The following FAM169A variants were observed in gnomAD, a reference collection of about 807,000 sequenced individuals.
FAM169A encodes family with sequence similarity 169 member A, also known as soluble lamin-associated protein of 75 kDa.
FAM169A carries 24 observed loss-of-function variants against 75.7 expected under a neutral mutation model. The ratio of observed to expected loss-of-function variants is 0.32; its 90% CI spans 0.23 to 0.45. The LOEUF is 0.45. Among genes scored for constraint, FAM169A ranks in the 20% least tolerant of loss-of-function variants. The pLI is 1.00. For missense variants in FAM169A, 673 were observed against 784.0 expected (o/e 0.86, Z 1.69); for synonymous variants, 271 against 271.0 (o/e 1.00, Z 0.00).
intron 1 of FAM169A, among the ~76,000 whole-genome samples, chr5:74,854,579 C>T (rs2112724302): frequency 6.6e-6 from 1 of 152,254 alleles, no homozygotes. Context: ...TTTGTACCCA[C>T]TGACCAGACT....
intron 11 of FAM169A, among the ~76,000 whole-genome samples, chr5:74,790,994 C>T (rs1489208725): frequency 1.3e-5 from 2 of 152,184 alleles, no homozygotes; most frequent in Non-Finnish European, 2.9e-5. Context: ...CCCGTGGACT[C>T]GCGGAAGGCC....
chr5:74,846,066 T>C (rs1678744421), intron 1 of FAM169A, among the ~76,000 whole-genome samples: 1 of 152,230 alleles, frequency 6.6e-6, no homozygotes, highest in African/African-American at 2.4e-5. Flanking sequence ...ATAACTGTTT[T>C]TCTTCTCTTA....
At chr5:74,831,696 T>C (rs1748318438) in intron 5 of FAM169A, among the ~76,000 whole-genome samples, 1 of 152,292 alleles carries the variant, frequency 6.6e-6, no homozygotes, top group African/African-American at 2.4e-5. Flanking sequence ...ATTAGAGATA[T>C]TCAATCTGTG....
chr5:74,798,137 T>C (rs915425630), intron 10 of FAM169A, among the ~76,000 whole-genome samples: 49 of 152,340 alleles, frequency 3.2e-4, no homozygotes, highest in African/African-American at 1.1e-3. Flanking sequence ...TCCAACACTC[T>C]TTCCTCTGTA....
chr5:74,812,124 ATTTCT>A (rs948751460), intron 6 of FAM169A, among the ~76,000 whole-genome samples: 10 of 152,012 alleles, frequency 6.6e-5, no homozygotes, highest in African/African-American at 2.4e-4. Flanking sequence ...TCTTATTTTT[ATTTCT>A]TTTTATTTTT....
chr5:74,865,846 C>G (rs1168743737), intron 1 of FAM169A: 1 of 152,388 alleles, frequency 6.6e-6, no homozygotes, highest in African/African-American at 2.4e-5. Context: ...GCCGCAGCTG[C>G]GAACCGGCCC....
In FAM169A at chr5:74,779,856, T is replaced by C. The variant is rs1745324614; in HGVS notation, c.*1604A>G. The C allele has an allele frequency of 6.6e-6, 1 of 152,210 alleles. No homozygotes were observed. Among genetic ancestry groups the C allele is most frequent in the Non-Finnish European group, 1.5e-5 (1 of 68,022 alleles). The allele number at this position is 152,210 out of a possible 1,614,324, so 9.4% of individuals were successfully genotyped here. A position where few individuals can be genotyped will look rare whatever the true frequency, so the allele number is the denominator to read the frequency against. On this transcript the variant is annotated 3_prime_UTR_variant, in exon 13 of 13. Coordinates refer to ENST00000687041, the MANE Select transcript of FAM169A (RefSeq NM_001376049.1). ...CCAAACAAAATTTACTGACCTGACA[T>C]CAGCTTACTATAGACTGAATACACT...
At chr5:74,865,797 G>A (rs1404868568) in intron 1 of FAM169A, 1 of 152,372 alleles carries the variant, frequency 6.6e-6, no homozygotes, top group Admixed American at 6.5e-5. Context: ...CGCACGCCAA[G>A]CATCCAGGTG....
At chr5:74,816,606 G>C (rs995083106) in intron 5 of FAM169A, among the ~76,000 whole-genome samples, 1 of 152,082 alleles carries the variant, frequency 6.6e-6, no homozygotes, top group Non-Finnish European at 1.5e-5. Flanking sequence ...TCCAGGGTCT[G>C]ACTCATACAA....
Position 74,866,173 on chromosome 5 carries a change from C to G in FAM169A, c.-12G>C, listed in dbSNP as rs1279796715. ...AGAGGGAGCGCACTCACCTCAGACG[C>G]GCCCCGGGAGCCGCTGGAAGAGCCC... On this transcript the variant is annotated 5_prime_UTR_variant, in exon 1 of 13. Transcript: ENST00000687041. 2 of 983,906 alleles carry G rather than the reference C, an allele frequency of 2.0e-6. No individual in the cohort carries two copies. Among genetic ancestry groups the G allele is most frequent in the East Asian group, 2.3e-4 (2 of 8,786 alleles). The allele number at this position is 983,906 out of a possible 1,614,324, so 60.9% of individuals were successfully genotyped here.
rs1336359393 is a variant in FAM169A at position 74,779,822 on chromosome 5, C to G, written c.*1638G>C. Reference sequence around the variant, plus strand: ...TAAGATTTTAACTTGATCGAAAATACCAACATCCCCAAACAAAATTTACTG... The same window carrying G: ...TAAGATTTTAACTTGATCGAAAATAGCAACATCCCCAAACAAAATTTACTG... On this transcript the variant is annotated 3_prime_UTR_variant, in exon 13 of 13. Transcript: ENST00000687041. The G allele has an allele frequency of 6.6e-6, 1 of 152,112 alleles. No individual in the cohort carries two copies. The highest frequency in any genetic ancestry group is 1.5e-5 in the Non-Finnish European group (1 of 68,020). The allele number at this position is 152,112 out of a possible 1,614,324, so 9.4% of individuals were successfully genotyped here. A position where few individuals can be genotyped will look rare whatever the true frequency, so the allele number is the denominator to read the frequency against.
intron 10 of FAM169A, among the ~76,000 whole-genome samples, chr5:74,797,167 A>G (rs1263642934): frequency 2.0e-5 from 3 of 151,958 alleles, no homozygotes; most frequent in African/African-American, 7.3e-5. Context: ...AAAGCCTAAC[A>G]TATTTGTTTG....
At chr5:74,817,395 C>T (rs6874094) in intron 5 of FAM169A, among the ~76,000 whole-genome samples, 43,452 of 151,836 alleles carry the variant, frequency 0.29, 7,461 homozygotes, top group African/African-American at 0.48. Context: ...TGTATTTCCA[C>T]ACATTAGCAA....
intron 4 of FAM169A, among the ~76,000 whole-genome samples, chr5:74,837,807 T>C (rs1748645418): frequency 6.6e-6 from 1 of 152,088 alleles, no homozygotes; most frequent in Non-Finnish European, 1.5e-5. Context: ...AAGACACATA[T>C]ATATTTCTGT....
At chr5:74,791,063 G>A (rs564250550) in intron 11 of FAM169A, among the ~76,000 whole-genome samples, 10 of 152,216 alleles carry the variant, frequency 6.6e-5, no homozygotes, top group South Asian at 4.2e-4. Context: ...CTCACTTTAC[G>A]GCAAAAGCAG....
At chr5:74,864,474 C>T (rs1051344001) in intron 1 of FAM169A, among the ~76,000 whole-genome samples, 1 of 152,208 alleles carries the variant, frequency 6.6e-6, no homozygotes, top group Non-Finnish European at 1.5e-5. Context: ...GTGATCCACC[C>T]GCTCTGGCCT....
chr5:74,847,836 ACT>A (rs2112699509), intron 1 of FAM169A, among the ~76,000 whole-genome samples: 1 of 152,300 alleles, frequency 6.6e-6, no homozygotes, highest in South Asian at 2.1e-4. Flanking sequence ...TATTTTTATT[ACT>A]GTCAAAGATT....
chr5:74,810,506 T>C (rs1401855937), intron 6 of FAM169A, among the ~76,000 whole-genome samples: 2 of 151,900 alleles, frequency 1.3e-5, no homozygotes, highest in South Asian at 2.1e-4. Flanking sequence ...TCCTACCACT[T>C]TGGGAGTCCG....
chr5:74,855,087 G>C (rs1580171473), intron 1 of FAM169A, among the ~76,000 whole-genome samples: 1 of 152,154 alleles, frequency 6.6e-6, no homozygotes, highest in Admixed American at 6.6e-5. Flanking sequence ...CAGTGTATGA[G>C]GGTTCAATTT....
Sources: allele counts gnomAD v4.1 joint callset (sites outside exome capture counted in the v4.1 genomes callset), GRCh38; gene constraint gnomAD v4.1.1; transcripts MANE v1.5; gene names NCBI Gene and HGNC (gene_info 2026-07-23, HGNC 2026-07-21).